TRERF1: variants seen among roughly 807,000 people sequenced by gnomAD.
TRERF1 encodes the protein transcriptional-regulating factor 1.
Under a neutral mutation model 122.9 loss-of-function variants are expected in TRERF1, and 27 were observed. The ratio of observed to expected loss-of-function variants is 0.22; its 90% CI spans 0.16 to 0.30. The LOEUF (loss-of-function observed/expected upper bound fraction) is 0.30. TRERF1 is among the 10% of genes least tolerant of loss of function. The probability of loss-of-function intolerance (pLI) is 1.00; values close to 1 mark genes in which losing one functional copy is unlikely to be tolerated. For synonymous variants in TRERF1, 636 were observed against 641.7 expected, an observed-to-expected ratio of 0.99 and a Z score of 0.13; for missense variants, 1,248 against 1,560.3, an observed-to-expected ratio of 0.80 and a Z score of 3.37.
intron 2 of TRERF1, among the ~76,000 whole-genome samples, chr6:42,439,141 GT>G (rs1786014703): frequency 1.3e-5 from 2 of 152,216 alleles, no homozygotes; most frequent in Non-Finnish European, 2.9e-5. Flanking sequence ...ACTTGCCCCT[GT>G]GTTTCCAACA....
chr6:42,316,092 TAC>T (rs1457215992), intron 3 of TRERF1, among the ~76,000 whole-genome samples: 2 of 152,182 alleles, frequency 1.3e-5, no homozygotes. Flanking sequence ...CTAATGGGTC[TAC>T]ACAAATGACA....
intron 2 of TRERF1, among the ~76,000 whole-genome samples, chr6:42,413,458 T>A (rs1343172197): frequency 1.5e-5 from 2 of 135,944 alleles, no homozygotes; most frequent in African/African-American, 2.9e-5. Flanking sequence ...TGAGACAGAG[T>A]CTTACTCTGT....
At chr6:42,342,791 C>T (rs1236425073) in intron 3 of TRERF1, among the ~76,000 whole-genome samples, 5 of 152,186 alleles carry the variant, frequency 3.3e-5, no homozygotes, top group South Asian at 2.1e-4. Flanking sequence ...ATGTCTCTCT[C>T]GTCAGTCTCT....
intron 3 of TRERF1, among the ~76,000 whole-genome samples, chr6:42,336,901 G>GGGCTGC (rs1483297671): frequency 1.3e-5 from 2 of 152,202 alleles, no homozygotes; most frequent in Non-Finnish European, 2.9e-5. Context: ...GAGGGCACTG[G>GGGCTGC]GGCTGCGGCG....
chr6:42,367,530 G>C (rs577760089), intron 2 of TRERF1, among the ~76,000 whole-genome samples: 1 of 152,322 alleles, frequency 6.6e-6, no homozygotes, highest in South Asian at 2.1e-4. Flanking sequence ...CCTGCTGGGG[G>C]CTCTGTGTGG....
chr6:42,239,463 T>G (rs1773117933), intron 15 of TRERF1, among the ~76,000 whole-genome samples: 1 of 152,206 alleles, frequency 6.6e-6, no homozygotes, highest in South Asian at 2.1e-4. Flanking sequence ...TGAGCAGCTG[T>G]GCTCTGTTGA....
chr6:42,389,634 A>G (rs1003230927), intron 2 of TRERF1, among the ~76,000 whole-genome samples: 1 of 152,228 alleles, frequency 6.6e-6, no homozygotes, highest in Admixed American at 6.5e-5. Context: ...TCCAGCCGTC[A>G]TTGATTAAGC....
At chr6:42,255,781 A>G (rs575423265) in intron 12 of TRERF1, among the ~76,000 whole-genome samples, 43 of 152,182 alleles carry the variant, frequency 2.8e-4, no homozygotes, top group Non-Finnish European at 5.1e-4. Context: ...TAGATATACT[A>G]CCATGTATTT....
chr6:42,401,564 T>G (rs1779392843), intron 2 of TRERF1, among the ~76,000 whole-genome samples: 1 of 152,112 alleles, frequency 6.6e-6, no homozygotes, highest in Non-Finnish European at 1.5e-5. Flanking sequence ...CAAAAAGATT[T>G]TATCCGCCCC....
intron 16 of TRERF1, among the ~76,000 whole-genome samples, chr6:42,233,574 C>G (rs775343066): frequency 1.3e-5 from 2 of 152,176 alleles, no homozygotes; most frequent in Non-Finnish European, 2.9e-5. Flanking sequence ...CGTGAGCCAC[C>G]ACGCCTGGCC....
chr6:42,420,661 A>G (rs1782632521), intron 2 of TRERF1, among the ~76,000 whole-genome samples: 2 of 152,240 alleles, frequency 1.3e-5, no homozygotes, highest in Non-Finnish European at 2.9e-5. Flanking sequence ...AAATCAGGAA[A>G]CTTATTAAAA....
intron 4 of TRERF1, among the ~76,000 whole-genome samples, chr6:42,284,467 A>T (rs181782654): frequency 1.8e-4 from 27 of 152,336 alleles, no homozygotes; most frequent in Admixed American, 1.5e-3. Flanking sequence ...ACAGTGAAAA[A>T]TGTGTCGCCT....
chr6:42,292,411 C>G (rs1345462239), intron 4 of TRERF1, among the ~76,000 whole-genome samples: 1 of 152,206 alleles, frequency 6.6e-6, no homozygotes, highest in Non-Finnish European at 1.5e-5. Context: ...CCCCTGAAAG[C>G]ACCTGTGTCC....
At chr6:42,237,446 C>T (rs1160234454) in intron 15 of TRERF1, among the ~76,000 whole-genome samples, 1 of 152,216 alleles carries the variant, frequency 6.6e-6, no homozygotes, top group African/African-American at 2.4e-5. Context: ...CTCATTTCAG[C>T]TTTTATTTTA....
rs533752469 is a variant in TRERF1 at position 42,259,845 on chromosome 6, C to A, written c.1885-122G>T. 7.6e-6 allele frequency: 10 copies of A among 1,311,804 alleles called. No individual in the cohort carries two copies. In the African/African-American group the frequency reaches 1.2e-4, roughly 15 times the overall value. 81.3% of individuals were successfully genotyped at this position (1,311,804 alleles called of 1,614,324 possible). Reference sequence around the variant, plus strand: ...AGAGCCCTTCTGCTTGACCCCCCCACCCCCAACGCCCCCACATTCTGACCA... The same window carrying A: ...AGAGCCCTTCTGCTTGACCCCCCCAACCCCAACGCCCCCACATTCTGACCA... On this transcript the variant is annotated intron_variant, in intron 8 of 17. Coordinates refer to ENST00000372922, the Ensembl canonical transcript of TRERF1. The surrounding 1 kb of genome is among the most constrained non-coding windows in gnomAD (Gnocchi z 4.9).
chr6:42,268,690 G>C lies in TRERF1; in HGVS notation c.901C>G (p.Gln301Glu). 1 of 1,614,172 alleles carries C rather than the reference G, an allele frequency of 6.2e-7. No homozygotes were observed. Among genetic ancestry groups the C allele is most frequent in the Non-Finnish European group, 8.5e-7 (1 of 1,180,024 alleles). The change falls in exon 5 of 18, where the codon CAG becomes GAG. Residue 301 changes from glutamine to glutamate, a missense_variant. Physicochemically the swap from Gln to Glu is conservative, Grantham distance 29 (BLOSUM62 2). Transcript: ENST00000372922. The surrounding 1 kb of genome is among the most constrained non-coding windows in gnomAD (Gnocchi z 4.4). ...GGCTGCTGCTGCTGTGGCGGCGGCT[G>C]TGGCTGTGATGGGCGAATTTGTTGC...
intron 3 of TRERF1, among the ~76,000 whole-genome samples, chr6:42,320,170 A>G (rs1763171122): frequency 6.6e-6 from 1 of 152,114 alleles, no homozygotes; most frequent in South Asian, 2.1e-4. Context: ...AAGTACTGGG[A>G]TTACAGGCAT....
At chr6:42,265,053 T>C (rs1272851420) in intron 6 of TRERF1, among the ~76,000 whole-genome samples, 199 bp from the exon 7 acceptor site, 1 of 151,974 alleles carries the variant, frequency 6.6e-6, no homozygotes, top group African/African-American at 2.4e-5. Flanking sequence ...GGCTCCAGAG[T>C]GGGAAAAGGC....
chr6:42,405,177 C>T (rs1779984178), intron 2 of TRERF1, among the ~76,000 whole-genome samples: 1 of 152,148 alleles, frequency 6.6e-6, no homozygotes, highest in South Asian at 2.1e-4. Flanking sequence ...GACTCAAAGT[C>T]TTACAATTGG....
Sources: gnomAD v4.1 joint callset for allele counts (sites outside exome capture counted in the v4.1 genomes callset) on GRCh38, gnomAD v4.1.1 for gene constraint, Gnocchi (gnomAD v3.1) non-coding constraint, MANE v1.5 for transcripts, NCBI Gene and HGNC (gene_info 2026-07-23, HGNC 2026-07-21) for gene names.